Variants in APH1B observed in about 807,000 individuals in gnomAD.
APH1B encodes aph-1B gamma-secretase subunit.
A neutral mutation model predicts 28.2 loss-of-function variants in APH1B; 27 were observed. The observed-to-expected ratio is 0.96, with a 90% CI of 0.70 to 1.32. The LOEUF is 1.32. APH1B is among the 40% of genes most tolerant of loss of function. APH1B has a pLI of 0.00. For synonymous variants in APH1B, 141 were observed against 124.6 expected (o/e 1.13, Z -0.88); for missense variants, 305 against 313.6 (o/e 0.97, Z 0.21).
Position 63,305,633 on chromosome 15 carries a change from A to T in APH1B, c.626A>T (p.Tyr209Phe). The change falls in exon 6 of 6, where the codon TAT (tyrosine) becomes TTT (phenylalanine). Residue 209 changes from tyrosine to phenylalanine, a missense_variant. Coordinates refer to ENST00000261879, the MANE Select transcript of APH1B (RefSeq NM_031301.4). Reference protein sequence around the residue: ...VSAQTFISSYYGINLASAFII... With the variant: ...VSAQTFISSYFGINLASAFII... ...TTGCAGACCTTCATAAGTTCTTATT[A>T]TGGAATAAACCTGGCGTCAGCATTT... is the stretch of plus-strand genomic sequence containing the variant. The T allele has an allele frequency of 6.2e-7, 1 of 1,614,182 alleles. No individual in the cohort carries two copies. The highest frequency in any genetic ancestry group is 8.5e-7 in the Non-Finnish European group (1 of 1,180,024).
rs1421568374 is a variant in APH1B at position 63,286,758 on chromosome 15, T to A, written c.355+130T>A. On this transcript the variant is annotated intron_variant, in intron 3 of 5. Coordinates refer to ENST00000261879, the MANE Select transcript of APH1B (RefSeq NM_031301.4). ...TGCCTTGGCCTATTGGTGTACATAT[T>A]TGCTTATTATCCCCGTCTTCCAGGT... 1.0e-5 allele frequency: 8 copies of A among 797,252 alleles called. No homozygotes were observed. In the South Asian group the frequency reaches 1.0e-4, roughly 10 times the overall value. 49.4% of individuals were successfully genotyped at this position (797,252 alleles called of 1,614,324 possible). A position where few individuals can be genotyped will look rare whatever the true frequency, so the allele number is the denominator to read the frequency against.
rs1290430367 is a variant in APH1B at position 63,308,382 on chromosome 15, G to A, written c.*2601G>A. On this transcript the variant is annotated 3_prime_UTR_variant, in exon 6 of 6. Coordinates refer to ENST00000261879, the MANE Select transcript of APH1B (RefSeq NM_031301.4). The stretch of plus-strand genomic sequence containing the variant: ...TTGTTACCTCTATCCTGGCTTGCCT[G>A]ACTGGCTGTATAATAGCAGCAGCCT... 1 of 152,202 alleles carries A rather than the reference G, an allele frequency of 6.6e-6. No homozygotes were observed. The allele number at this position is 152,202 out of a possible 1,614,324, so 9.4% of individuals were successfully genotyped here.
intron 4 of APH1B, among the ~76,000 whole-genome samples, chr15:63,301,431 TAAA>T (rs971545516): frequency 6.6e-6 from 1 of 152,180 alleles, no homozygotes; most frequent in Non-Finnish European, 1.5e-5. Flanking sequence ...TTGCCCACTT[TAAA>T]TAAAGACTGT....
chr15:63,286,587 A>T lies in APH1B; in HGVS notation c.314A>T (p.Asn105Ile), dbSNP rs1280359395. The change falls in exon 3 of 6, where the codon AAC becomes ATC. Residue 105 changes from asparagine to isoleucine, a missense_variant. Physicochemically the swap from Asn to Ile is moderately radical, Grantham distance 149 (BLOSUM62 -3). Coordinates refer to ENST00000261879, the MANE Select transcript of APH1B (RefSeq NM_031301.4). Reference protein sequence around the residue: ...KKASEGLKSINPGETAPSMRL... With the variant: ...KKASEGLKSIIPGETAPSMRL... ...GCCAGTGAAGGTTTGAAGAGTATAA[A>T]CCCAGGTGAGACAGCACCCTCTATG... 6.2e-7 allele frequency: 1 copy of T among 1,604,352 alleles called. No individual in the cohort carries two copies. The highest frequency in any genetic ancestry group is 1.4e-5 in the African/African-American group (1 of 74,054).
At chr15:63,296,628 G>C (rs184335486) in intron 4 of APH1B, among the ~76,000 whole-genome samples, 8 of 152,174 alleles carry the variant, frequency 5.3e-5, no homozygotes, top group African/African-American at 1.4e-4. Flanking sequence ...ATTCAGGAAG[G>C]GTGAAGGAGC....
chr15:63,300,989 C>T (rs1284362943), intron 4 of APH1B, among the ~76,000 whole-genome samples: 1 of 152,170 alleles, frequency 6.6e-6, no homozygotes, highest in Non-Finnish European at 1.5e-5. Context: ...TATATATGCT[C>T]CTTGTGCAGA....
intron 4 of APH1B, among the ~76,000 whole-genome samples, chr15:63,288,237 A>G (rs1032782883): frequency 2.0e-5 from 3 of 152,238 alleles, no homozygotes; most frequent in Admixed American, 2.0e-4. Flanking sequence ...TCTTTTAATA[A>G]CATCTATGCT....
chr15:63,289,207 T>C (rs180926451), intron 4 of APH1B, among the ~76,000 whole-genome samples: 1 of 152,334 alleles, frequency 6.6e-6, no homozygotes, highest in Admixed American at 6.5e-5. Flanking sequence ...AACAGTGTTG[T>C]TTTATCATTT....
Position 63,287,253 on chromosome 15 carries a change from C to G in APH1B, c.356-171C>G, listed in dbSNP as rs1169996002. On this transcript the variant is annotated intron_variant, in intron 3 of 5. Coordinates refer to ENST00000261879, the MANE Select transcript of APH1B (RefSeq NM_031301.4). ...TCCTTTCCTCTTCCCGCTTCCCTCT[C>G]TGATTCATCATTTAGCCAAGCACAT... 4 of 759,830 alleles carry G rather than the reference C, an allele frequency of 5.3e-6. No homozygotes were observed. The East Asian group carries it at 1.1e-4, about 21-fold the overall frequency. The allele number at this position is 759,830 out of a possible 1,614,324, so 47.1% of individuals were successfully genotyped here.
intron 5 of APH1B, among the ~76,000 whole-genome samples, chr15:63,302,906 CAAGG>C (rs1181553619): frequency 6.6e-6 from 1 of 152,128 alleles, no homozygotes; most frequent in African/African-American, 2.4e-5. Context: ...GTATGATAAT[CAAGG>C]ATGGGGCCTT....
At chr15:63,287,079 T>G (rs932604365) in intron 3 of APH1B, 1 of 250,390 alleles carries the variant, frequency 4.0e-6, no homozygotes, top group African/African-American at 2.3e-5. Flanking sequence ...ATTTCAGTTC[T>G]AAGCCATCAA....
chr15:63,292,758 G>T (rs534214024), intron 4 of APH1B, among the ~76,000 whole-genome samples: 1 of 152,294 alleles, frequency 6.6e-6, no homozygotes, highest in South Asian at 2.1e-4. Context: ...ATAGAAAATT[G>T]TACTTTTTGG....
chr15:63,292,863 C>T (rs2038519914), intron 4 of APH1B, among the ~76,000 whole-genome samples: 3 of 152,234 alleles, frequency 2.0e-5, no homozygotes, highest in African/African-American at 7.2e-5. Context: ...AGTCTTCAGG[C>T]AGTGTGTAAG....
At chr15:63,279,854 A>G (rs866301534) in intron 2 of APH1B, among the ~76,000 whole-genome samples, 2 of 150,726 alleles carry the variant, frequency 1.3e-5, no homozygotes, top group Non-Finnish European at 1.5e-5. Flanking sequence ...CTGGAGTGCA[A>G]TGGTGCAATC....
chr15:63,281,534 GAAAAAAAAAAA>G (rs58991721), intron 2 of APH1B, among the ~76,000 whole-genome samples: 1 of 115,378 alleles, frequency 8.7e-6, no homozygotes, highest in African/African-American at 3.0e-5. Flanking sequence ...GTCTAATTTT[GAAAAAAAAAAA>G]AAAAAACAAA....
At chr15:63,301,138 T>G (rs1389731448) in intron 4 of APH1B, among the ~76,000 whole-genome samples, 1 of 152,222 alleles carries the variant, frequency 6.6e-6, no homozygotes, top group Non-Finnish European at 1.5e-5. Flanking sequence ...CCCCATAATT[T>G]GGAGTTCTAA....
At chr15:63,302,112 A>G (rs2038635881) in intron 4 of APH1B, among the ~76,000 whole-genome samples, 1 of 152,210 alleles carries the variant, frequency 6.6e-6, no homozygotes, top group South Asian at 2.1e-4. Context: ...TGAAAGCCAG[A>G]TCTTAGGCGA....
At chr15:63,290,001 T>G (rs902753439) in intron 4 of APH1B, among the ~76,000 whole-genome samples, 1 of 151,268 alleles carries the variant, frequency 6.6e-6, no homozygotes, top group Non-Finnish European at 1.5e-5. Context: ...ATACTCTGTT[T>G]CAAGAGAAAA....
At chr15:63,282,318 G>A (rs1156902125) in intron 2 of APH1B, among the ~76,000 whole-genome samples, 1 of 152,176 alleles carries the variant, frequency 6.6e-6, no homozygotes, top group African/African-American at 2.4e-5. Context: ...AGATTAAAAT[G>A]TGGAGAGTTT....
Sources: gnomAD v4.1 joint callset for allele counts (sites outside exome capture counted in the v4.1 genomes callset) on GRCh38, gnomAD v4.1.1 for gene constraint, MANE v1.5 for transcripts, NCBI Gene and HGNC (gene_info 2026-07-23, HGNC 2026-07-21) for gene names.